NLGN1: variants seen among roughly 807,000 people sequenced by gnomAD.
The protein encoded by NLGN1 is neuroligin-1.
NLGN1 carries 12 observed loss-of-function variants against 65.5 expected under a neutral mutation model. The ratio of observed to expected loss-of-function variants is 0.18; its 90% CI spans 0.12 to 0.30. The LOEUF (loss-of-function observed/expected upper bound fraction) is 0.30, where lower values mean the gene tolerates loss of function less well. NLGN1 is among the 10% of genes least tolerant of loss of function. The probability of loss-of-function intolerance (pLI) is 1.00; values close to 1 mark genes in which losing one functional copy is unlikely to be tolerated. For missense variants in NLGN1, 750 were observed against 1,007.1 expected (o/e 0.74, Z 3.46); for synonymous variants, 350 against 359.5 (o/e 0.97, Z 0.30).
intron 2 of NLGN1, among the ~76,000 whole-genome samples, chr3:173,556,588 G>A (rs566094916): frequency 6.6e-6 from 1 of 152,228 alleles, no homozygotes; most frequent in East Asian, 1.9e-4. Flanking sequence ...GCTGAAGCAG[G>A]AGGATCATTT....
At chr3:174,076,560 C>G (rs980966709) in intron 4 of NLGN1, among the ~76,000 whole-genome samples, 2 of 152,080 alleles carry the variant, frequency 1.3e-5, no homozygotes, top group African/African-American at 4.8e-5. Context: ...TTTCTGTATT[C>G]TCTTTGCCTA....
chr3:173,407,734 A>G lies in NLGN1; in HGVS notation c.-390+9247A>G, dbSNP rs79884506. On this transcript the variant is annotated intron_variant, in intron 1 of 6. Transcript: ENST00000457714. ...CAGTTGGCCATTCTAGATTCTTTCA[A>G]AAGTAAACACACACATACAACACAT... is the stretch of plus-strand genomic sequence containing the variant. Among the ~76,000 whole-genome samples, 418 of 152,332 alleles carry G rather than the reference A, an allele frequency of 2.7e-3. 1 individual carries two copies. The highest frequency in any genetic ancestry group is 4.2e-3 in the Non-Finnish European group (285 of 68,030).
chr3:173,574,068 A>G (rs1346172513), intron 2 of NLGN1, among the ~76,000 whole-genome samples: 1 of 150,212 alleles, frequency 6.7e-6, no homozygotes, highest in Non-Finnish European at 1.5e-5. Context: ...ACCTCAAAAA[A>G]AAAAAAAAAA....
At chr3:173,524,869 T>C (rs1384048355) in intron 2 of NLGN1, among the ~76,000 whole-genome samples, 1 of 152,226 alleles carries the variant, frequency 6.6e-6, no homozygotes, top group Non-Finnish European at 1.5e-5. Context: ...ATCACATTTA[T>C]TGATTTGCAT....
intron 1 of NLGN1, among the ~76,000 whole-genome samples, chr3:173,403,373 A>ATATGTTTG (rs1301860090): frequency 5.9e-5 from 9 of 152,168 alleles, no homozygotes; most frequent in Admixed American, 1.3e-4. Flanking sequence ...ACGTATCCTC[A>ATATGTTTG]TCTATGTTTG....
At chr3:173,921,787 A>T (rs1742066986) in intron 4 of NLGN1, among the ~76,000 whole-genome samples, 2 of 152,142 alleles carry the variant, frequency 1.3e-5, no homozygotes, top group South Asian at 4.1e-4. Context: ...GGTTATCAGA[A>T]ATTGACATCA....
rs563202520 is a variant in NLGN1, at chr3:173,850,200, C to T, written c.646+42368C>T. Among the ~76,000 whole-genome samples the T allele has an allele frequency of 2.6e-5, 4 of 152,166 alleles. No individual in the cohort carries two copies. In the East Asian group the frequency reaches 7.7e-4, roughly 29 times the overall value. ...TAAGTGACATAAAATTTTACATAAA[C>T]TTCCATTTATTCATATATATCTTAC... On this transcript the variant is annotated intron_variant, in intron 4 of 6. Transcript: ENST00000457714.
chr3:173,995,640 G>GT (rs66791145), intron 4 of NLGN1, among the ~76,000 whole-genome samples: 17,924 of 138,210 alleles, frequency 0.13, 1,198 homozygotes, highest in African/African-American at 0.19. Flanking sequence ...GACTTTTTTT[G>GT]TTTTTTTTTT....
chr3:174,244,377 T>A (rs2152834803), intron 4 of NLGN1, among the ~76,000 whole-genome samples: 1 of 152,320 alleles, frequency 6.6e-6, no homozygotes, highest in South Asian at 2.1e-4. Flanking sequence ...GAAATTTTAA[T>A]TTGGGAAAAC....
chr3:173,931,811 A>G (rs1579260781), intron 4 of NLGN1, among the ~76,000 whole-genome samples: 1 of 152,132 alleles, frequency 6.6e-6, no homozygotes, highest in Non-Finnish European at 1.5e-5. Flanking sequence ...TTAAGAGACT[A>G]TTGTAATAAT....
At chr3:173,499,034 G>C (rs1314534372) in intron 2 of NLGN1, among the ~76,000 whole-genome samples, 1 of 150,682 alleles carries the variant, frequency 6.6e-6, no homozygotes, top group African/African-American at 2.5e-5. Context: ...AGTTTCTTTT[G>C]CTGTGCAGAA....
At chr3:173,912,023 T>A (rs1239482131) in intron 4 of NLGN1, among the ~76,000 whole-genome samples, 3 of 152,222 alleles carry the variant, frequency 2.0e-5, no homozygotes, top group Non-Finnish European at 4.4e-5. Flanking sequence ...TTCTAGTATA[T>A]TTCATAAGAT....
At chr3:173,706,482 A>G (rs1481612257) in intron 3 of NLGN1, among the ~76,000 whole-genome samples, 1 of 152,202 alleles carries the variant, frequency 6.6e-6, no homozygotes, top group African/African-American at 2.4e-5. Context: ...TGCTGGCTTA[A>G]AGGTGCTTAG....
chr3:174,254,779 T>C (rs1209501042), intron 4 of NLGN1, among the ~76,000 whole-genome samples: 1 of 150,326 alleles, frequency 6.7e-6, no homozygotes, highest in African/African-American at 2.4e-5. Context: ...GCAAGAAAAA[T>C]CAATAAAGTT....
At chr3:173,820,780 G>A (rs1297044073) in intron 4 of NLGN1, among the ~76,000 whole-genome samples, 1 of 152,012 alleles carries the variant, frequency 6.6e-6, no homozygotes, top group Non-Finnish European at 1.5e-5. Context: ...TGTGAGTGAG[G>A]GAAGACTGCT....
intron 4 of NLGN1, among the ~76,000 whole-genome samples, chr3:174,155,004 A>AT (rs1405956873): frequency 2.9e-5 from 4 of 137,544 alleles, no homozygotes; most frequent in East Asian, 4.1e-4. Flanking sequence ...ATATATATTT[A>AT]TATATTGATA....
At chr3:174,132,189 A>G (rs1332125784) in intron 4 of NLGN1, among the ~76,000 whole-genome samples, 1 of 152,190 alleles carries the variant, frequency 6.6e-6, no homozygotes, top group Non-Finnish European at 1.5e-5. Flanking sequence ...ACTTTAACAT[A>G]ATACTTGGCA....
intron 2 of NLGN1, among the ~76,000 whole-genome samples, chr3:173,551,766 C>A (rs1388310752): frequency 6.6e-6 from 1 of 152,106 alleles, no homozygotes; most frequent in African/African-American, 2.4e-5. Flanking sequence ...ACTCATGTGA[C>A]CCCCACACAA....
chr3:173,778,537 T>C (rs1780657891), intron 3 of NLGN1, among the ~76,000 whole-genome samples: 1 of 151,912 alleles, frequency 6.6e-6, no homozygotes, highest in Non-Finnish European at 1.5e-5. Flanking sequence ...TGCATATTGC[T>C]CTTAAAAATG....
Sources: allele counts gnomAD v4.1 joint callset (sites outside exome capture counted in the v4.1 genomes callset), GRCh38; gene constraint gnomAD v4.1.1; transcripts MANE v1.5; gene names NCBI Gene and HGNC (gene_info 2026-07-23, HGNC 2026-07-21).